TMCO4: variants seen among roughly 807,000 people sequenced by gnomAD.
The protein encoded by TMCO4 is transmembrane and coiled-coil domain-containing protein 4.
A neutral mutation model predicts 64.7 loss-of-function variants in TMCO4; 58 were observed. The observed-to-expected ratio is 0.90, with a 90% CI of 0.73 to 1.12. The LOEUF (loss-of-function observed/expected upper bound fraction) is 1.12. TMCO4 is among the 50% of genes most tolerant of loss of function. The pLI, the probability that TMCO4 is intolerant of heterozygous loss-of-function variation, is 0.00. For synonymous variants in TMCO4, 325 were observed against 346.1 expected (o/e 0.94, Z 0.68); for missense variants, 780 against 825.9 (o/e 0.94, Z 0.68).
At chr1:19,737,993 T>A (rs1434501690) in intron 12 of TMCO4, among the ~76,000 whole-genome samples, 1 of 152,242 alleles carries the variant, frequency 6.6e-6, no homozygotes, top group Non-Finnish European at 1.5e-5. Flanking sequence ...GTAAGTCAGA[T>A]GGAAAGAGGA....
intron 13 of TMCO4, among the ~76,000 whole-genome samples, chr1:19,723,900 G>C (rs1010593915): frequency 6.6e-6 from 1 of 152,168 alleles, no homozygotes; most frequent in Non-Finnish European, 1.5e-5. Flanking sequence ...GGCGAGGCTG[G>C]AGCAAGCCCC....
intron 15 of TMCO4, among the ~76,000 whole-genome samples, chr1:19,685,304 C>T (rs34192707): frequency 0.19 from 28,832 of 151,106 alleles, 3,150 homozygotes; most frequent in African/African-American, 0.3. Context: ...CCAGTTTGGG[C>T]GACAGAGCAA....
intron 15 of TMCO4, among the ~76,000 whole-genome samples, chr1:19,693,164 C>CAAAAAAAAAA (rs57031243): frequency 5.0e-5 from 1 of 19,956 alleles, no homozygotes; most frequent in African/African-American, 1.3e-4. Context: ...GACCCCATCT[C>CAAAAAAAAAA]AAAAAAAAAA....
intron 7 of TMCO4, among the ~76,000 whole-genome samples, chr1:19,748,477 C>G (rs143433559): frequency 6.6e-6 from 1 of 152,308 alleles, no homozygotes; most frequent in African/African-American, 2.4e-5. Context: ...CCATCTCCCT[C>G]CTTGTGAACC....
At chr1:19,712,045 C>T (rs1237047933) in intron 13 of TMCO4, among the ~76,000 whole-genome samples, 1 of 152,200 alleles carries the variant, frequency 6.6e-6, no homozygotes, top group African/African-American at 2.4e-5. Context: ...AATCCTCCCA[C>T]CTCTGCATCC....
At chr1:19,745,324 G>T in intron 10 of TMCO4, 1 of 718,666 alleles carries the variant, frequency 1.4e-6, no homozygotes, top group Non-Finnish European at 2.2e-6. Flanking sequence ...GGATGGACAG[G>T]TGGGTAGGTG....
rs146054846 is a variant in TMCO4, at chr1:19,758,381, G to A, written c.383-2615C>T. 2.8e-4 allele frequency among the ~76,000 whole-genome samples: 42 copies of A among 152,294 alleles called. No homozygotes were observed. In the East Asian group the frequency reaches 4.8e-3, roughly 17 times the overall value. On this transcript the variant is annotated intron_variant, in intron 6 of 15. Transcript: ENST00000294543. Reference sequence around the variant, plus strand: ...TAGGAGCAAAGACTACTGTGCCCACGTGATAATCGGGTTGTAGAAATCAAG... The same window carrying A: ...TAGGAGCAAAGACTACTGTGCCCACATGATAATCGGGTTGTAGAAATCAAG...
intron 15 of TMCO4, among the ~76,000 whole-genome samples, chr1:19,694,065 G>A (rs2095218251): frequency 6.6e-6 from 1 of 152,104 alleles, no homozygotes; most frequent in Admixed American, 6.6e-5. Context: ...GCAATGGCAC[G>A]ATCACAGCTC....
At chr1:19,741,169 G>A (rs2095477517) in intron 10 of TMCO4, among the ~76,000 whole-genome samples, 1 of 152,232 alleles carries the variant, frequency 6.6e-6, no homozygotes, top group African/African-American at 2.4e-5. Context: ...TAGAAGCCAG[G>A]TGACCCTGGG....
intron 13 of TMCO4, among the ~76,000 whole-genome samples, chr1:19,717,449 G>A (rs1253580782): frequency 6.6e-6 from 1 of 152,242 alleles, no homozygotes; most frequent in African/African-American, 2.4e-5. Flanking sequence ...ACTACATCAA[G>A]TGAAAATGCT....
At chr1:19,727,745 A>G (rs1557521370) in intron 13 of TMCO4, among the ~76,000 whole-genome samples, 2 of 152,390 alleles carry the variant, frequency 1.3e-5, no homozygotes, top group Middle Eastern at 6.8e-3. Flanking sequence ...TGTTAAAGAT[A>G]CATACATCTG....
intron 6 of TMCO4, among the ~76,000 whole-genome samples, chr1:19,764,367 T>TG (rs1209062866): frequency 6.6e-6 from 1 of 152,222 alleles, no homozygotes; most frequent in Non-Finnish European, 1.5e-5. Context: ...AGGGTCATTG[T>TG]GGGGTTTCAA....
rs951198832 is a variant in TMCO4, at chr1:19,683,314, C to G, written c.1631G>C (p.Arg544Pro). 3 of 1,613,816 alleles carry G rather than the reference C, an allele frequency of 1.9e-6. No homozygotes were observed. The highest frequency in any genetic ancestry group is 2.5e-6 in the Non-Finnish European group (3 of 1,179,860). The change falls in exon 16 of 16, where the codon CGC becomes CCC. Residue 544 changes from arginine to proline, a missense_variant. Coordinates refer to ENST00000294543, the MANE Select transcript of TMCO4 (RefSeq NM_181719.7). ...TGATGAGGCGGCAGCTGCTGCCTGG[C>G]GAGGCTCCTCGGAGGGCAGGCAGCC... Reference protein sequence around the residue: ...APGCLPSEEPRQAAAAASSGE... With the variant: ...APGCLPSEEPPQAAAAASSGE...
At chr1:19,794,967 A>G (rs544382488) in intron 2 of TMCO4, among the ~76,000 whole-genome samples, 5 of 152,260 alleles carry the variant, frequency 3.3e-5, no homozygotes, top group African/African-American at 1.2e-4. Context: ...AGTAGAATGA[A>G]TGGTGGTGGC....
At chr1:19,737,242 T>G (rs964716434) in intron 13 of TMCO4, 130 bp downstream of exon 13, 31 of 916,146 alleles carry the variant, frequency 3.4e-5, no homozygotes, top group Middle Eastern at 3.6e-4. Flanking sequence ...TAAACTATTT[T>G]TAACTTTTAA....
chr1:19,739,832 G>A lies in TMCO4; in HGVS notation c.1171C>T (p.Arg391Trp), dbSNP rs150663799. The A allele has an allele frequency of 1.2e-5, 20 of 1,613,202 alleles. No homozygotes were observed. The highest frequency in any genetic ancestry group is 5.3e-5 in the African/African-American group (4 of 75,008). The change falls in exon 12 of 16, where the codon CGG becomes TGG. Residue 391 changes from arginine to tryptophan, a missense_variant. Arg to Trp is a moderately radical substitution (Grantham distance 101). Transcript: ENST00000294543. ...CAGCCATTCCCAGGTACCTGCTGCC[G>A]GGAGAGCAGGATGTGGGCCAGGTGC... ...GKHLAHILLS[R>W]QQGRRPVTLI...
At chr1:19,717,096 G>A (rs1432558128) in intron 13 of TMCO4, among the ~76,000 whole-genome samples, 1 of 152,240 alleles carries the variant, frequency 6.6e-6, no homozygotes, top group Non-Finnish European at 1.5e-5. Context: ...TGAGGCAGGA[G>A]AATGGCTTGA....
At chr1:19,730,456 T>C (rs1400147488) in intron 13 of TMCO4, among the ~76,000 whole-genome samples, 1 of 152,256 alleles carries the variant, frequency 6.6e-6, no homozygotes, top group Non-Finnish European at 1.5e-5. Flanking sequence ...AACATTCAAC[T>C]TCAAGTTCCA....
chr1:19,791,105 C>T (rs1347882827), intron 2 of TMCO4, among the ~76,000 whole-genome samples: 2 of 152,084 alleles, frequency 1.3e-5, no homozygotes, highest in Non-Finnish European at 2.9e-5. Flanking sequence ...GGGAGCTGAA[C>T]AATGAGCACA....
Sources: gnomAD v4.1 joint callset for allele counts (sites outside exome capture counted in the v4.1 genomes callset) on GRCh38, gnomAD v4.1.1 for gene constraint, MANE v1.5 for transcripts, NCBI Gene and HGNC (gene_info 2026-07-23, HGNC 2026-07-21) for gene names.